The following NHLH1 variants were observed in gnomAD, a reference collection of about 807,000 sequenced individuals.
The protein encoded by NHLH1 is helix-loop-helix protein 1.
NHLH1 carries 3 observed loss-of-function variants against 6.7 expected under a neutral mutation model. The ratio of observed to expected loss-of-function variants is 0.44; its 90% CI spans 0.20 to 1.15. The LOEUF is 1.15. NHLH1 is among the 50% of genes most tolerant of loss of function. NHLH1 has a pLI of 0.26. For missense variants in NHLH1, 177 were observed against 189.5 expected, an observed-to-expected ratio of 0.93 and a Z score of 0.39; for synonymous variants, 92 against 84.2, an observed-to-expected ratio of 1.09 and a Z score of -0.51.
intron 1 of NHLH1, among the ~76,000 whole-genome samples, chr1:160,369,627 C>G (rs564477607): frequency 9.1e-4 from 139 of 152,176 alleles, no homozygotes; most frequent in African/African-American, 3.2e-3. Flanking sequence ...TTTATAGTAG[C>G]CATCCTAATG....
rs1383087219 is a variant in NHLH1, at chr1:160,372,597, G to A, written c.*1464G>A. The A allele has an allele frequency of 6.0e-6, 1 of 166,904 alleles. No individual in the cohort carries two copies. Among genetic ancestry groups the A allele is most frequent in the Non-Finnish European group, 1.5e-5 (1 of 68,246 alleles). 10.3% of individuals were successfully genotyped at this position (166,904 alleles called of 1,614,324 possible). On this transcript the variant is annotated 3_prime_UTR_variant, in exon 2 of 2. Coordinates refer to ENST00000302101, the MANE Select transcript of NHLH1 (RefSeq NM_005598.4). The stretch of plus-strand genomic sequence containing the variant: ...CCTGTCCTGACACTCTAGTCCTCCA[G>A]GATAGTGCTCCTCCCCCAGCTCCAG...
Position 160,371,190 on chromosome 1 carries a change from G to A in NHLH1, c.*57G>A. On this transcript the variant is annotated 3_prime_UTR_variant, in exon 2 of 2. Transcript: ENST00000302101. ...CTGGGGCCCCTTTCCACCGCTCACT[G>A]CTTAGAAAGGCCGCATCCTCCCCGA... 1 of 1,537,614 alleles carries A rather than the reference G, an allele frequency of 6.5e-7. No homozygotes were observed.
At position 160,370,869 on chromosome 1, in the gene NHLH1, A is replaced by T. The variant is rs780365944; in HGVS notation, c.138A>T (p.Arg46=). ...GGGGTCCGGGAGGGGGCCAGGCCCG[A>T]GGCCCAGAGCCGGGAGAGCCTGGCC... is the stretch of plus-strand genomic sequence containing the variant. ...GPGGPGGGQA[R]GPEPGEPGRK... Residue 46 remains arginine (R), a synonymous_variant, in exon 2 of 2, where the codon CGA becomes CGT. Transcript: ENST00000302101. 8.7e-6 allele frequency: 14 copies of T among 1,606,522 alleles called. No homozygotes were observed. In the East Asian group the frequency reaches 2.9e-4, roughly 33 times the overall value.
At position 160,371,723 on chromosome 1, in the gene NHLH1, G is replaced by A. The variant is rs1649632496; in HGVS notation, c.*590G>A. ...GGGAATCTCAGTAGCTGGGAATTAT[G>A]GAAAAACTCTTCCTGTTTCTGTCCA... On this transcript the variant is annotated 3_prime_UTR_variant, in exon 2 of 2. Coordinates refer to ENST00000302101, the MANE Select transcript of NHLH1 (RefSeq NM_005598.4). 1 of 167,164 alleles carries A rather than the reference G, an allele frequency of 6.0e-6. No individual in the cohort carries two copies. The highest frequency in any genetic ancestry group is 1.5e-5 in the Non-Finnish European group (1 of 68,298). 10.4% of individuals were successfully genotyped at this position (167,164 alleles called of 1,614,324 possible).
Position 160,372,024 on chromosome 1 carries a change from T to C in NHLH1, c.*891T>C, listed in dbSNP as rs777833120. ...TCCTCATCTCAGCCCACTCTGAAAA[T>C]GTGCAGCACCCTCACTGGTTCCTCC... On this transcript the variant is annotated 3_prime_UTR_variant, in exon 2 of 2. Coordinates refer to ENST00000302101, the MANE Select transcript of NHLH1 (RefSeq NM_005598.4). 1.2e-5 allele frequency: 2 copies of C among 167,080 alleles called. No homozygotes were observed. Among genetic ancestry groups the C allele is most frequent in the Admixed American group, 1.3e-4 (2 of 15,300 alleles). 10.3% of individuals were successfully genotyped at this position (167,080 alleles called of 1,614,324 possible).
At position 160,371,376 on chromosome 1, in the gene NHLH1, T is replaced by C. The variant is rs1392857888; in HGVS notation, c.*243T>C. 1.7e-5 allele frequency: 9 copies of C among 517,894 alleles called. No homozygotes were observed. In the East Asian group the frequency reaches 3.4e-4, roughly 20 times the overall value. 32.1% of individuals were successfully genotyped at this position (517,894 alleles called of 1,614,324 possible). On this transcript the variant is annotated 3_prime_UTR_variant, in exon 2 of 2. Coordinates refer to ENST00000302101, the MANE Select transcript of NHLH1 (RefSeq NM_005598.4). ...TTGCTGAGGCCCAGCTGTGCAGAAT[T>C]GTTTGCTAGTGTGGTTGGTATGGAA...
chr1:160,367,572 T>C (rs1402000478), intron 1 of NHLH1, among the ~76,000 whole-genome samples: 1 of 152,154 alleles, frequency 6.6e-6, no homozygotes, highest in Non-Finnish European at 1.5e-5. Flanking sequence ...TTGGAATTGC[T>C]GCTCCCCTGA....
In NHLH1 at chr1:160,370,726, T is replaced by C. The variant is rs758020894; in HGVS notation, c.-6T>C. On this transcript the variant is annotated 5_prime_UTR_variant, in exon 2 of 2. Transcript: ENST00000302101. ...TCCTGATCTCACAGGGCAGGGGGCT[T>C]CCATCATGATGCTCAACTCAGACAC... 6.2e-7 allele frequency: 1 copy of C among 1,612,320 alleles called. No individual in the cohort carries two copies. Among genetic ancestry groups the C allele is most frequent in the South Asian group, 1.1e-5 (1 of 90,852 alleles).
At chr1:160,369,429 C>G (rs2101920079) in intron 1 of NHLH1, among the ~76,000 whole-genome samples, 1 of 152,294 alleles carries the variant, frequency 6.6e-6, no homozygotes, top group South Asian at 2.1e-4. Context: ...TGACACCCTA[C>G]TTTATTTGTA....
At chr1:160,369,509 A>G (rs1185683966) in intron 1 of NHLH1, among the ~76,000 whole-genome samples, 3 of 152,154 alleles carry the variant, frequency 2.0e-5, no homozygotes, top group African/African-American at 7.2e-5. Context: ...GAACATTTAT[A>G]CTGTTTTCCA....
rs1369047221 is a variant in NHLH1, at chr1:160,367,288, A to ACGCTGCCCCTTGTCCTGC, written c.-222_-205dup. The ACGCTGCCCCTTGTCCTGC allele has an allele frequency of 6.6e-6, 1 of 152,178 alleles. No individual in the cohort carries two copies. The highest frequency in any genetic ancestry group is 2.4e-5 in the African/African-American group (1 of 41,430). The allele number at this position is 152,178 out of a possible 1,614,324, so 9.4% of individuals were successfully genotyped here. On this transcript the variant is annotated 5_prime_UTR_variant, in exon 1 of 2. Transcript: ENST00000302101. Reference sequence around the variant, plus strand: ...CACCCAGAGGAGACTGGGGCTGTCAACGCTGCCCCTTGTCCTGCCGGCTTG... The same window carrying ACGCTGCCCCTTGTCCTGC: ...CACCCAGAGGAGACTGGGGCTGTCAACGCTGCCCCTTGTCCTGCCGCTGCCCCTTGTCCTGCCGGCTTG...
intron 1 of NHLH1, among the ~76,000 whole-genome samples, chr1:160,369,608 G>A (rs1649577833): frequency 6.6e-6 from 1 of 151,980 alleles, no homozygotes; most frequent in Non-Finnish European, 1.5e-5. Context: ...TGTTTGTTTG[G>A]TTTTTGTTTT....
At position 160,367,101 on chromosome 1, in the gene NHLH1, G is replaced by A. The variant is rs1169145638; in HGVS notation, c.-412G>A. ...TGTCTGAGGGTGTGTGTGTGAGTGT[G>A]GCTGGCCCCAGTACCTGGCCAAGCC... On this transcript the variant is annotated 5_prime_UTR_variant, in exon 1 of 2. Coordinates refer to ENST00000302101, the MANE Select transcript of NHLH1 (RefSeq NM_005598.4). The A allele has an allele frequency of 6.5e-6, 1 of 152,918 alleles. No individual in the cohort carries two copies. Among genetic ancestry groups the A allele is most frequent in the African/African-American group, 2.4e-5 (1 of 41,406 alleles). 9.5% of individuals were successfully genotyped at this position (152,918 alleles called of 1,614,324 possible). A position where few individuals can be genotyped will look rare whatever the true frequency, so the allele number is the denominator to read the frequency against.
Position 160,370,695 on chromosome 1 carries a change from A to T in NHLH1, c.-37A>T. ...CAAGCTCCCAGAGGGAGGGGTGGGG[A>T]GGGGATCCTGATCTCACAGGGCAGG... On this transcript the variant is annotated 5_prime_UTR_variant, in exon 2 of 2. Coordinates refer to ENST00000302101, the MANE Select transcript of NHLH1 (RefSeq NM_005598.4). 6.2e-7 allele frequency: 1 copy of T among 1,600,316 alleles called. No homozygotes were observed. The highest frequency in any genetic ancestry group is 1.1e-5 in the South Asian group (1 of 89,434).
In NHLH1 at chr1:160,372,572, C is replaced by T. The variant is rs905119410; in HGVS notation, c.*1439C>T. On this transcript the variant is annotated 3_prime_UTR_variant, in exon 2 of 2. Transcript: ENST00000302101. ...ACACCATATCCTTTCCCCAGATCCA[C>T]CTGTCCTGACACTCTAGTCCTCCAG... The T allele has an allele frequency of 6.0e-6, 1 of 166,922 alleles. No individual in the cohort carries two copies. Among genetic ancestry groups the T allele is most frequent in the Non-Finnish European group, 1.5e-5 (1 of 68,144 alleles). The allele number at this position is 166,922 out of a possible 1,614,324, so 10.3% of individuals were successfully genotyped here. A position where few individuals can be genotyped will look rare whatever the true frequency, so the allele number is the denominator to read the frequency against.
Position 160,370,575 on chromosome 1 carries a change from G to A in NHLH1, c.-157G>A, listed in dbSNP as rs1433654177. 4 of 660,310 alleles carry A rather than the reference G, an allele frequency of 6.1e-6. No homozygotes were observed. The highest frequency in any genetic ancestry group is 1.9e-5 in the African/African-American group (1 of 53,348). The allele number at this position is 660,310 out of a possible 1,614,324, so 40.9% of individuals were successfully genotyped here. A position where few individuals can be genotyped will look rare whatever the true frequency, so the allele number is the denominator to read the frequency against. On this transcript the variant is annotated 5_prime_UTR_variant, in exon 2 of 2. Coordinates refer to ENST00000302101, the MANE Select transcript of NHLH1 (RefSeq NM_005598.4). The stretch of plus-strand genomic sequence containing the variant: ...TTTTCAGGCTTCAGACTGGCACCCT[G>A]ACCATGGAACCCTGAAGTGGCAGTG...
In NHLH1 at chr1:160,371,072, T is replaced by C; in HGVS notation, c.341T>C (p.Ile114Thr). 1.9e-6 allele frequency: 3 copies of C among 1,613,942 alleles called. No homozygotes were observed. The highest frequency in any genetic ancestry group is 2.5e-6 in the Non-Finnish European group (3 of 1,179,936). Residue 114 changes from isoleucine to threonine, a missense_variant, in exon 2 of 2, where the codon ATT (isoleucine) becomes ACT (threonine). Coordinates refer to ENST00000302101, the MANE Select transcript of NHLH1 (RefSeq NM_005598.4). Reference sequence around the variant, plus strand: ...CCCCCCGACAAGAAGCTCTCCAAGATTGAGATTCTGCGCCTGGCCATCTGC... The same window carrying C: ...CCCCCCGACAAGAAGCTCTCCAAGACTGAGATTCTGCGCCTGGCCATCTGC... The part of the protein sequence containing the change: ...TLPPDKKLSK[I>T]EILRLAICYI...
intron 1 of NHLH1, among the ~76,000 whole-genome samples, chr1:160,368,875 T>G (rs1649557567): frequency 6.6e-6 from 1 of 152,110 alleles, no homozygotes; most frequent in Non-Finnish European, 1.5e-5. Flanking sequence ...GCATCTAGAG[T>G]CATAGCTAAC....
Position 160,370,660 on chromosome 1 carries a change from C to G in NHLH1, c.-72C>G. ...TCCTCCCCCTTCCTCCCCCTCCCACCACCAGCTTTCAAGCTCCCAGAGGGA... is the reference window on the plus strand; with the variant it reads ...TCCTCCCCCTTCCTCCCCCTCCCACGACCAGCTTTCAAGCTCCCAGAGGGA... On this transcript the variant is annotated 5_prime_UTR_variant, in exon 2 of 2. Transcript: ENST00000302101. The G allele has an allele frequency of 6.6e-7, 1 of 1,510,432 alleles. No homozygotes were observed. The allele number at this position is 1,510,432 out of a possible 1,614,324, so 93.6% of individuals were successfully genotyped here.
Sources: allele counts gnomAD v4.1 joint callset (sites outside exome capture counted in the v4.1 genomes callset), GRCh38; gene constraint gnomAD v4.1.1; transcripts MANE v1.5; gene names NCBI Gene and HGNC (gene_info 2026-07-23, HGNC 2026-07-21).